Variants in CTNNA1 observed in about 807,000 individuals in gnomAD.
The protein encoded by CTNNA1 is catenin alpha-1.
In CTNNA1, 37 loss-of-function variants were observed where a neutral mutation model predicts 98.4. The ratio of observed to expected loss-of-function variants is 0.38; its 90% CI spans 0.29 to 0.49. The LOEUF (loss-of-function observed/expected upper bound fraction) is 0.49, where lower values mean the gene tolerates loss of function less well. Among genes scored for constraint, CTNNA1 ranks in the 20% least tolerant of loss-of-function variants. The probability of loss-of-function intolerance (pLI) is 0.95; values close to 1 mark genes in which losing one functional copy is unlikely to be tolerated. For synonymous variants in CTNNA1, 404 were observed against 413.2 expected (o/e 0.98, Z 0.27); for missense variants, 761 against 1,147.2 (o/e 0.66, Z 4.86).
chr5:138,793,545 G>A (rs1477260573), intron 3 of CTNNA1, among the ~76,000 whole-genome samples: 2 of 152,158 alleles, frequency 1.3e-5, no homozygotes, highest in Non-Finnish European at 2.9e-5. Context: ...GAGTTACAGT[G>A]GGTAATATTA....
intron 5 of CTNNA1, among the ~76,000 whole-genome samples, chr5:138,812,559 G>A (rs149470512): frequency 1.3e-5 from 2 of 152,302 alleles, no homozygotes; most frequent in African/African-American, 4.8e-5. Flanking sequence ...TGAAGGTAGT[G>A]TCTGGAGAGG....
chr5:138,766,617 G>A (rs1320991617), intron 1 of CTNNA1, among the ~76,000 whole-genome samples: 3 of 152,138 alleles, frequency 2.0e-5, no homozygotes, highest in East Asian at 1.9e-4. Context: ...ACTGAGGTAC[G>A]GAGGAGAAAG....
At chr5:138,841,870 G>C (rs1370728852) in intron 7 of CTNNA1, among the ~76,000 whole-genome samples, 1 of 152,150 alleles carries the variant, frequency 6.6e-6, no homozygotes, top group East Asian at 1.9e-4. Context: ...GTATTTCAAG[G>C]CTTCCTTAAG....
rs745433155 is a variant in CTNNA1 at position 138,934,118 on chromosome 5, T to G, written c.*29T>G. On this transcript the variant is annotated 3_prime_UTR_variant, in exon 18 of 18. Transcript: ENST00000302763. ...TGCCCAGGCCGGCCGCCCCCACCCC[T>G]CGGGGCTCCTGAATATCAGTCACTG... 7 of 1,568,816 alleles carry G rather than the reference T, an allele frequency of 4.5e-6. No homozygotes were observed. The African/African-American group carries it at 8.1e-5, about 18-fold the overall frequency.
intron 3 of CTNNA1, among the ~76,000 whole-genome samples, chr5:138,798,309 A>T (rs570196428): frequency 6.6e-6 from 1 of 152,320 alleles, no homozygotes. Flanking sequence ...AGATAAAACA[A>T]CCCAAAGTAA....
intron 1 of CTNNA1, among the ~76,000 whole-genome samples, chr5:138,773,705 G>T (rs1279405136): frequency 6.6e-6 from 1 of 151,834 alleles, no homozygotes; most frequent in Non-Finnish European, 1.5e-5. Context: ...GCTGAGTCTG[G>T]TGAATTAATT....
At chr5:138,796,075 T>C (rs2149691547) in intron 3 of CTNNA1, among the ~76,000 whole-genome samples, 1 of 152,360 alleles carries the variant, frequency 6.6e-6, no homozygotes, top group East Asian at 1.9e-4. Flanking sequence ...TTTTAATGGC[T>C]GAACACTATC....
At chr5:138,830,351 G>A (rs1381618237) in intron 7 of CTNNA1, among the ~76,000 whole-genome samples, 2 of 152,200 alleles carry the variant, frequency 1.3e-5, no homozygotes, top group African/African-American at 4.8e-5. Flanking sequence ...GACAGAGCGA[G>A]ATTCTGTCTC....
intron 5 of CTNNA1, among the ~76,000 whole-genome samples, chr5:138,813,925 A>G (rs981692800): frequency 2.6e-5 from 4 of 152,170 alleles, no homozygotes; most frequent in Non-Finnish European, 5.9e-5. Context: ...GCTAAATGCT[A>G]TTAAAGTCTA....
intron 1 of CTNNA1, among the ~76,000 whole-genome samples, chr5:138,757,016 TTA>T (rs1751731645): frequency 6.6e-6 from 1 of 151,494 alleles, no homozygotes; most frequent in Non-Finnish European, 1.5e-5. Flanking sequence ...CTGAGCAACT[TTA>T]TGAGACCCCG....
chr5:138,932,493 C>G (rs751047430), intron 16 of CTNNA1, 85 bp from the exon 17 acceptor site: 380 of 1,558,380 alleles, frequency 2.4e-4, no homozygotes, highest in Admixed American at 3.5e-4. Flanking sequence ...GTGAGTGCCA[C>G]ACTGAACCTT....
chr5:138,846,067 C>T (rs746375074), intron 7 of CTNNA1, among the ~76,000 whole-genome samples: 17 of 152,116 alleles, frequency 1.1e-4, no homozygotes, highest in Non-Finnish European at 1.8e-4. Flanking sequence ...GCTGGGATTA[C>T]AAGCGCCCAC....
chr5:138,781,702 A>G (rs1755134346), intron 1 of CTNNA1, among the ~76,000 whole-genome samples: 1 of 152,234 alleles, frequency 6.6e-6, no homozygotes, highest in African/African-American at 2.4e-5. Context: ...GTGTTTGGGA[A>G]TGCCCTCTTG....
At chr5:138,782,102 A>G in intron 2 of CTNNA1, 73 bp downstream of exon 2, 3 of 1,421,162 alleles carry the variant, frequency 2.1e-6, no homozygotes, top group South Asian at 2.5e-5. Context: ...CCATAAGAGC[A>G]AGGTTATTTA....
intron 3 of CTNNA1, among the ~76,000 whole-genome samples, chr5:138,791,615 CAAAAAA>C (rs1181055311): frequency 7.4e-5 from 3 of 40,310 alleles, no homozygotes; most frequent in African/African-American, 1.1e-4. Flanking sequence ...GACTCCGTCT[CAAAAAA>C]AAAAAAAAAA....
intron 7 of CTNNA1, among the ~76,000 whole-genome samples, chr5:138,864,571 G>C (rs1183742203): frequency 6.6e-6 from 1 of 152,132 alleles, no homozygotes; most frequent in Non-Finnish European, 1.5e-5. Context: ...TTAAAGTTAA[G>C]CTGTAAACTA....
chr5:138,848,531 A>G (rs1344061538), intron 7 of CTNNA1, among the ~76,000 whole-genome samples: 1 of 152,092 alleles, frequency 6.6e-6, no homozygotes, highest in African/African-American at 2.4e-5. Flanking sequence ...TCATGGTCAA[A>G]TACATTTGGA....
At position 138,802,417 on chromosome 5, in the gene CTNNA1, T is replaced by C. The variant is rs558964262; in HGVS notation, c.302-7621T>C. 6.6e-5 allele frequency among the ~76,000 whole-genome samples: 10 copies of C among 152,276 alleles called. No individual in the cohort carries two copies. The South Asian group carries it at 1.7e-3, about 25-fold the overall frequency. On this transcript the variant is annotated intron_variant, in intron 3 of 17. Transcript: ENST00000302763. ...GGAAACTCCTGGGCTCAATCGATTCTCCTACCTTGACCTCCCAAAGTGCAG... is the reference window on the plus strand; with the variant it reads ...GGAAACTCCTGGGCTCAATCGATTCCCCTACCTTGACCTCCCAAAGTGCAG...
intron 9 of CTNNA1, among the ~76,000 whole-genome samples, chr5:138,888,670 C>G (rs1333964867): frequency 1.3e-5 from 2 of 152,038 alleles, no homozygotes; most frequent in Admixed American, 6.5e-5. Context: ...GCCTCAGCCT[C>G]CTGAGTAGCT....
Sources: gnomAD v4.1 joint callset for allele counts (sites outside exome capture counted in the v4.1 genomes callset) on GRCh38, gnomAD v4.1.1 for gene constraint, MANE v1.5 for transcripts, NCBI Gene and HGNC (gene_info 2026-07-23, HGNC 2026-07-21) for gene names.